Variants in COL4A1 observed in about 807,000 individuals in gnomAD.
The protein encoded by COL4A1 is collagen alpha-1(IV) chain.
A neutral mutation model predicts 216.6 loss-of-function variants in COL4A1; 40 were observed. The observed-to-expected ratio is 0.18, with a 90% CI of 0.14 to 0.24. COL4A1 has a LOEUF of 0.24. Among genes scored for constraint, COL4A1 ranks in the 10% least tolerant of loss-of-function variants. COL4A1 has a pLI of 1.00. For synonymous variants in COL4A1, 839 were observed against 810.7 expected (o/e 1.03, Z -0.59); for missense variants, 1,628 against 2,196.8 (o/e 0.74, Z 5.18).
chr13:110,212,471 A>G lies in COL4A1; in HGVS notation c.333T>C (p.Pro111=), dbSNP rs368516293. Residue 111 remains proline, a synonymous_variant, in exon 6 of 52, where the codon CCT becomes CCC. Transcript: ENST00000375820. ...YPGNPGLPGI[P]GQDGPPGPPG... ...GGGGGCCTGGCGGGCCGTCTTGGCC[A>G]GGAATTCCCTGCAATGAAGAAAGTG... is the stretch of plus-strand genomic sequence containing the variant. 18 of 1,614,202 alleles carry G rather than the reference A, an allele frequency of 1.1e-5. No homozygotes were observed. The highest frequency in any genetic ancestry group is 1.4e-5 in the Non-Finnish European group (17 of 1,180,042).
At chr13:110,212,801 A>T (rs1206057028) in intron 4 of COL4A1, among the ~76,000 whole-genome samples, 183 bp from the exon 5 acceptor site, 1 of 152,176 alleles carries the variant, frequency 6.6e-6, no homozygotes, top group African/African-American at 2.4e-5. Context: ...GCCCAGGCTT[A>T]CAGGAGCAAT....
At chr13:110,228,147 G>A (rs1366759039) in intron 2 of COL4A1, among the ~76,000 whole-genome samples, 2 of 151,062 alleles carry the variant, frequency 1.3e-5, no homozygotes, top group African/African-American at 2.4e-5. Context: ...GCCAAGCCAC[G>A]TGCTTCTGCA....
chr13:110,194,176 C>T (rs1482933666), intron 22 of COL4A1, among the ~76,000 whole-genome samples: 1 of 152,200 alleles, frequency 6.6e-6, no homozygotes, highest in Non-Finnish European at 1.5e-5. Context: ...TGTGATGACG[C>T]CCAAGATCGC....
chr13:110,290,407 G>A (rs1034954586), intron 1 of COL4A1, among the ~76,000 whole-genome samples: 5 of 152,108 alleles, frequency 3.3e-5, no homozygotes, highest in Non-Finnish European at 7.4e-5. Context: ...TTTCTTTTAT[G>A]ATTTACCCTC....
In COL4A1 at chr13:110,260,241, C is replaced by T. The variant is rs866822541; in HGVS notation, c.85-17507G>A. 5.3e-5 allele frequency among the ~76,000 whole-genome samples: 8 copies of T among 152,148 alleles called. 1 individual carries two copies. The highest frequency in any genetic ancestry group is 2.1e-4 in the South Asian group (1 of 4,822). ...AAGAGCAAAGCCACATCTTACATGG[C>T]GGCAGGCTAGAGAGCTTGAGCAGGG... On this transcript the variant is annotated intron_variant, in intron 1 of 51. Coordinates refer to ENST00000375820, the MANE Select transcript of COL4A1 (RefSeq NM_001845.6).
At position 110,177,005 on chromosome 13, in the gene COL4A1, T is replaced by C; in HGVS notation, c.2749A>G (p.Arg917Gly). 1.2e-6 allele frequency: 2 copies of C among 1,614,098 alleles called. No homozygotes were observed. Among genetic ancestry groups the C allele is most frequent in the South Asian group, 2.2e-5 (2 of 91,086 alleles). Residue 917 changes from arginine to glycine, a missense_variant, in exon 34 of 52, where the codon AGG becomes GGG. Physicochemically the swap from Arg to Gly is moderately radical, Grantham distance 125. Around this residue, in one of 8 missense-constraint regions of COL4A1, gnomAD observed 701 missense variants for 892.5 expected, o/e 0.79. Coordinates refer to ENST00000375820, the MANE Select transcript of COL4A1 (RefSeq NM_001845.6). ...TCACCTTTCAAGCCAGGGTCTCCCC[T>C]GGGTCCTGAGGAGCCCGGAAAGCCA... Reference protein sequence around the residue: ...DHGFPGSSGPRGDPGLKGDKG... With the variant: ...DHGFPGSSGPGGDPGLKGDKG...
At chr13:110,153,407 C>A (rs183822955) in intron 50 of COL4A1, among the ~76,000 whole-genome samples, 20 of 152,326 alleles carry the variant, frequency 1.3e-4, no homozygotes, top group Non-Finnish European at 5.9e-5. Context: ...CTGATTTAGA[C>A]AAATTATGGG....
In COL4A1 at chr13:110,162,502, C is replaced by T. The variant is rs551530398; in HGVS notation, c.4250-60G>A. 3.3e-5 allele frequency: 40 copies of T among 1,204,092 alleles called. No homozygotes were observed. The East Asian group carries it at 4.0e-4, about 12-fold the overall frequency. The allele number at this position is 1,204,092 out of a possible 1,614,324, so 74.6% of individuals were successfully genotyped here. A position where few individuals can be genotyped will look rare whatever the true frequency, so the allele number is the denominator to read the frequency against. On this transcript the variant is annotated intron_variant, in intron 47 of 51. Transcript: ENST00000375820. ...ACAAACACGCTCCCCTAAAGGCTTT[C>T]AAAATCATTTTCTCCAAAGAGTTTT... is the stretch of plus-strand genomic sequence containing the variant.
intron 2 of COL4A1, among the ~76,000 whole-genome samples, chr13:110,226,381 G>GC (rs1480055777): frequency 6.6e-6 from 1 of 152,156 alleles, no homozygotes; most frequent in Non-Finnish European, 1.5e-5. Context: ...TCCATGGTTA[G>GC]CCTGGAAGTA....
chr13:110,192,955 C>G, intron 22 of COL4A1, 42 bp from the exon 23 acceptor site: 1 of 1,554,146 alleles, frequency 6.4e-7, no homozygotes, highest in Non-Finnish European at 8.9e-7. Flanking sequence ...TAACATGTGA[C>G]CAGAAGTCTC....
At chr13:110,301,066 A>G (rs2052653043) in intron 1 of COL4A1, among the ~76,000 whole-genome samples, 1 of 152,260 alleles carries the variant, frequency 6.6e-6, no homozygotes, top group Non-Finnish European at 1.5e-5. Flanking sequence ...TAAAGTGTTC[A>G]GCAGTGTACA....
At position 110,201,272 on chromosome 13, in the gene COL4A1, G is replaced by A. The variant is rs575840289; in HGVS notation, c.1084+166C>T. ...AGGAGGAGGAAGAGGAGAAAGAGGAGGAGGGGGAGGAGGAAGAGAAGGAGG... is the reference window on the plus strand; with the variant it reads ...AGGAGGAGGAAGAGGAGAAAGAGGAAGAGGGGGAGGAGGAAGAGAAGGAGG... On this transcript the variant is annotated intron_variant, in intron 19 of 51. Transcript: ENST00000375820. 2.5e-5 allele frequency: 15 copies of A among 590,690 alleles called. No individual in the cohort carries two copies. The South Asian group carries it at 2.9e-4, about 11-fold the overall frequency. 36.6% of individuals were successfully genotyped at this position (590,690 alleles called of 1,614,324 possible).
chr13:110,284,436 T>C (rs1883759067), intron 1 of COL4A1, among the ~76,000 whole-genome samples: 1 of 152,214 alleles, frequency 6.6e-6, no homozygotes, highest in Admixed American at 6.5e-5. Flanking sequence ...AGAGGTCTTT[T>C]GGTTTTAACG....
intron 24 of COL4A1, chr13:110,191,726 A>C: frequency 1.5e-6 from 1 of 650,272 alleles, no homozygotes; most frequent in South Asian, 1.8e-5. Flanking sequence ...CCTCAGAGGC[A>C]AACAGATCTG....
intron 20 of COL4A1, among the ~76,000 whole-genome samples, chr13:110,198,884 T>C (rs778056290): frequency 5.9e-5 from 9 of 152,222 alleles, no homozygotes; most frequent in Non-Finnish European, 1.3e-4. Context: ...TGTGAATTTC[T>C]CTCAGTGCAA....
At chr13:110,213,745 C>T (rs756695370) in intron 4 of COL4A1, 37 bp downstream of exon 4, 2 of 1,609,402 alleles carry the variant, frequency 1.2e-6, no homozygotes, top group Non-Finnish European at 1.7e-6. Context: ...CTGTCCCACG[C>T]ATGGAATCAT....
At chr13:110,164,444 A>G (rs1816882) in intron 46 of COL4A1, among the ~76,000 whole-genome samples, 2,365 of 152,306 alleles carry the variant, frequency 0.016, 52 homozygotes, top group East Asian at 0.077. Flanking sequence ...TTAGGGTTTC[A>G]GGAAATAACA....
intron 1 of COL4A1, among the ~76,000 whole-genome samples, chr13:110,250,576 C>T (rs1882028763): frequency 1.3e-5 from 2 of 152,122 alleles, no homozygotes; most frequent in South Asian, 2.1e-4. Context: ...CCATGAAGAC[C>T]GGCACTTCAC....
intron 33 of COL4A1, 32 bp downstream of exon 33, chr13:110,177,810 A>C: frequency 6.2e-7 from 1 of 1,609,842 alleles, no homozygotes; most frequent in Non-Finnish European, 8.5e-7. Context: ...AATAGACACA[A>C]AATGAGCTTC....
Sources: allele counts gnomAD v4.1 joint callset (sites outside exome capture counted in the v4.1 genomes callset), GRCh38; gene constraint gnomAD v4.1.1; regional missense constraint gnomAD v4.1.1; transcripts MANE v1.5; gene names NCBI Gene and HGNC (gene_info 2026-07-23, HGNC 2026-07-21).